Variants in RANBP17 observed in about 807,000 individuals in gnomAD.
RANBP17 encodes the protein ran-binding protein 17.
RANBP17 carries 158 observed loss-of-function variants against 141.2 expected under a neutral mutation model. That is an observed-to-expected ratio of 1.12 (90% confidence interval 0.98 to 1.28). The LOEUF (loss-of-function observed/expected upper bound fraction) is 1.28. RANBP17 is among the 50% of genes most tolerant of loss of function. RANBP17 has a pLI of 0.00. For synonymous variants in RANBP17, 430 were observed against 450.0 expected (o/e 0.96, Z 0.56); for missense variants, 1,438 against 1,290.7 (o/e 1.11, Z -1.75).
intron 14 of RANBP17, among the ~76,000 whole-genome samples, chr5:171,020,823 A>T (rs965057963): frequency 2.0e-5 from 3 of 152,062 alleles, no homozygotes; most frequent in Non-Finnish European, 4.4e-5. Flanking sequence ...TAATAATCCT[A>T]GCTGGTTATT....
chr5:171,058,723 T>G (rs1783587844), intron 14 of RANBP17, among the ~76,000 whole-genome samples: 1 of 151,104 alleles, frequency 6.6e-6, no homozygotes, highest in South Asian at 2.1e-4. Flanking sequence ...TCTAGATCCC[T>G]GAGGAATCGC....
intron 22 of RANBP17, among the ~76,000 whole-genome samples, chr5:171,230,219 T>TC (rs1372214036): frequency 6.6e-6 from 1 of 152,144 alleles, no homozygotes; most frequent in Admixed American, 6.5e-5. Context: ...AGAAGAGATT[T>TC]CTAGCTGAAA....
At chr5:171,211,161 A>G (rs1207333566) in intron 20 of RANBP17, among the ~76,000 whole-genome samples, 1 of 152,170 alleles carries the variant, frequency 6.6e-6, no homozygotes, top group Non-Finnish European at 1.5e-5. Context: ...AATAAAGTTA[A>G]TCAAGTGGAT....
intron 25 of RANBP17, among the ~76,000 whole-genome samples, chr5:171,277,637 G>GTATGTATATATATA (rs1554127913): frequency 1.8e-5 from 1 of 56,904 alleles, no homozygotes; most frequent in African/African-American, 5.8e-5. Flanking sequence ...ATATATGTAT[G>GTATGTATATATATA]TATATATATA....
chr5:170,973,868 C>T (rs943719612), intron 14 of RANBP17, among the ~76,000 whole-genome samples: 2 of 152,180 alleles, frequency 1.3e-5, no homozygotes, highest in Admixed American at 1.3e-4. Context: ...CAAACTCTCT[C>T]AGACCACTTA....
rs566478743 is a variant in RANBP17, at chr5:170,931,367, G to C, written c.1468+6817G>C. Among the ~76,000 whole-genome samples, 14 of 152,298 alleles carry C rather than the reference G, an allele frequency of 9.2e-5. 1 individual carries two copies. The highest frequency in any genetic ancestry group is 6.2e-4 in the South Asian group (3 of 4,828). On this transcript the variant is annotated intron_variant, in intron 12 of 27. Transcript: ENST00000523189. ...TTTTCTCCCATTCTGTAGGTTGCCTGTTCACTCTGATGGTAGTTTCTTTTG... is the reference window on the plus strand; with the variant it reads ...TTTTCTCCCATTCTGTAGGTTGCCTCTTCACTCTGATGGTAGTTTCTTTTG...
At chr5:171,028,175 TGGG>T (rs1281903223) in intron 14 of RANBP17, among the ~76,000 whole-genome samples, 3 of 152,010 alleles carry the variant, frequency 2.0e-5, no homozygotes, top group African/African-American at 7.2e-5. Context: ...ATAGTGTTGA[TGGG>T]GGGTGGAATA....
intron 14 of RANBP17, among the ~76,000 whole-genome samples, chr5:170,977,644 G>A (rs1055888098): frequency 5.3e-5 from 8 of 152,000 alleles, no homozygotes; most frequent in African/African-American, 1.7e-4. Context: ...TTCCCCAAGT[G>A]GAATGTTATT....
At chr5:170,970,117 T>C (rs183374713) in intron 14 of RANBP17, among the ~76,000 whole-genome samples, 76 of 148,140 alleles carry the variant, frequency 5.1e-4, no homozygotes, top group African/African-American at 1.8e-3. Flanking sequence ...TTGGTATTAA[T>C]GTCCTCATTT....
Position 171,078,173 on chromosome 5 carries a change from G to A in RANBP17, c.1711-91957G>A, listed in dbSNP as rs116313190. On this transcript the variant is annotated intron_variant, in intron 14 of 27. Coordinates refer to ENST00000523189, the MANE Select transcript of RANBP17 (RefSeq NM_022897.5). ...TTTTGAGACTGAGTCTCACTGTACC[G>A]CACAGGCTAGAGTGAAGTGACACAA... 8.3e-3 allele frequency among the ~76,000 whole-genome samples: 1,148 copies of A among 138,440 alleles called. 16 individuals carry two copies. Among genetic ancestry groups the A allele is most frequent in the African/African-American group, 0.03 (1,094 of 36,936 alleles). The allele number at this position is 138,440 out of a possible 152,430, so 90.8% of individuals were successfully genotyped here.
intron 27 of RANBP17, among the ~76,000 whole-genome samples, chr5:171,298,206 A>G (rs1349296921): frequency 6.6e-6 from 1 of 152,128 alleles, no homozygotes; most frequent in Non-Finnish European, 1.5e-5. Flanking sequence ...CATATTAGGT[A>G]CCAAGACAAG....
chr5:171,286,871 G>T (rs1329422120), intron 25 of RANBP17, among the ~76,000 whole-genome samples: 2 of 152,186 alleles, frequency 1.3e-5, no homozygotes, highest in East Asian at 1.9e-4. Context: ...AGGTGAAATT[G>T]CTGTGGAGAT....
At chr5:171,146,035 A>G (rs907677605) in intron 14 of RANBP17, among the ~76,000 whole-genome samples, 17 of 152,216 alleles carry the variant, frequency 1.1e-4, no homozygotes, top group African/African-American at 4.1e-4. Flanking sequence ...CAACAATCCC[A>G]TAAAATTCTA....
chr5:171,281,988 C>A (rs1420289141), intron 25 of RANBP17, among the ~76,000 whole-genome samples: 2 of 152,060 alleles, frequency 1.3e-5, no homozygotes, highest in African/African-American at 4.8e-5. Context: ...AACAAATTGA[C>A]AGAAATCTGG....
At chr5:170,982,256 A>G (rs1251638727) in intron 14 of RANBP17, among the ~76,000 whole-genome samples, 1 of 77,184 alleles carries the variant, frequency 1.3e-5, no homozygotes, top group African/African-American at 4.5e-5. Context: ...CAATTTTAAA[A>G]TCAGCCTGCT....
chr5:171,171,051 A>C (rs1760065279), intron 15 of RANBP17, among the ~76,000 whole-genome samples, 155 bp from the exon 16 acceptor site: 1 of 152,172 alleles, frequency 6.6e-6, no homozygotes, highest in African/African-American at 2.4e-5. Context: ...TGAATATGCT[A>C]TTGAAAGAAT....
At chr5:171,020,882 T>C (rs989274171) in intron 14 of RANBP17, among the ~76,000 whole-genome samples, 3 of 152,176 alleles carry the variant, frequency 2.0e-5, no homozygotes, top group Admixed American at 1.3e-4. Context: ...GGTCTTTATA[T>C]GTTGGTGTGT....
Position 170,896,047 on chromosome 5 carries a change from A to C in RANBP17, c.424-3A>C. On this transcript the variant is annotated splice_region_variant and splice_polypyrimidine_tract_variant and intron_variant, in intron 4 of 27. Transcript: ENST00000523189. ...AGGCTAAACTTTGTTATTTTCTCCA[A>C]AGGGTACTGTGGAACACTGCATAAT... is the stretch of plus-strand genomic sequence containing the variant. 1 of 1,582,194 alleles carries C rather than the reference A, an allele frequency of 6.3e-7. No homozygotes were observed. Among genetic ancestry groups the C allele is most frequent in the Non-Finnish European group, 8.6e-7 (1 of 1,163,990 alleles).
rs528643229 is a variant in RANBP17, at chr5:171,030,696, C to T, written c.1710+62319C>T. Among the ~76,000 whole-genome samples, 39 of 151,984 alleles carry T rather than the reference C, an allele frequency of 2.6e-4. 1 individual carries two copies. The highest frequency in any genetic ancestry group is 2.4e-3 in the Admixed American group (37 of 15,252). On this transcript the variant is annotated intron_variant, in intron 14 of 27. Transcript: ENST00000523189. The stretch of plus-strand genomic sequence containing the variant: ...TCAACATTAAACCAAGAATGTCATC[C>T]ACATTAAAGTGTGTATTAAATATTT...
Sources: gnomAD v4.1 joint callset for allele counts (sites outside exome capture counted in the v4.1 genomes callset) on GRCh38, gnomAD v4.1.1 for gene constraint, MANE v1.5 for transcripts, NCBI Gene and HGNC (gene_info 2026-07-23, HGNC 2026-07-21) for gene names.